The following SNTG1 variants were observed in gnomAD, a reference collection of about 807,000 sequenced individuals.
SNTG1 encodes the protein gamma-1-syntrophin.
In SNTG1, 39 loss-of-function variants were observed where a neutral mutation model predicts 74.7. That is an observed-to-expected ratio of 0.52 (90% CI 0.40 to 0.68). SNTG1 has a LOEUF of 0.68. Ranked by LOEUF, SNTG1 falls within the 30% of genes least tolerant of loss-of-function variation. The pLI is 0.00. For missense variants in SNTG1, 685 were observed against 609.5 expected, an observed-to-expected ratio of 1.12 and a Z score of -1.30; for synonymous variants, 254 against 217.1, an observed-to-expected ratio of 1.17 and a Z score of -1.49.
chr8:49,937,173 C>A lies in SNTG1; in HGVS notation c.-103+24942C>A, dbSNP rs1425465252. Reference sequence around the variant, plus strand: ...CAAAACAAACAAACAAACAAATAAACAAACCCAGTTAGGCTGATAAAAGAA... The same window carrying A: ...CAAAACAAACAAACAAACAAATAAAAAAACCCAGTTAGGCTGATAAAAGAA... On this transcript the variant is annotated intron_variant, in intron 1 of 18. Coordinates refer to ENST00000642720, the MANE Select transcript of SNTG1 (RefSeq NM_018967.5). 2.1e-5 allele frequency among the ~76,000 whole-genome samples: 3 copies of A among 142,240 alleles called. No homozygotes were observed. The East Asian group carries it at 5.8e-4, about 27-fold the overall frequency. The allele number at this position is 142,240 out of a possible 152,430, so 93.3% of individuals were successfully genotyped here.
intron 1 of SNTG1, among the ~76,000 whole-genome samples, chr8:49,954,138 T>C (rs1809962491): frequency 6.6e-6 from 1 of 152,226 alleles, no homozygotes; most frequent in Admixed American, 6.5e-5. Context: ...CTATTTTAAT[T>C]CCATCTTTAT....
chr8:50,029,786 T>C (rs573709663), intron 1 of SNTG1, among the ~76,000 whole-genome samples: 2 of 152,180 alleles, frequency 1.3e-5, no homozygotes, highest in East Asian at 3.9e-4. Flanking sequence ...TCTTGACTAT[T>C]GTCAATAGTG....
chr8:50,777,479 T>C (rs1160891687), intron 18 of SNTG1, among the ~76,000 whole-genome samples: 2 of 150,794 alleles, frequency 1.3e-5, no homozygotes, highest in Admixed American at 1.3e-4. Flanking sequence ...ATGTCTTTTA[T>C]TTCTTCCTAG....
intron 12 of SNTG1, among the ~76,000 whole-genome samples, chr8:50,561,884 A>G (rs1022742450): frequency 1.3e-5 from 2 of 152,158 alleles, no homozygotes; most frequent in Non-Finnish European, 2.9e-5. Context: ...TGAGCTGGAC[A>G]TTAGAACTCA....
At chr8:50,135,840 T>C (rs1160646584) in intron 1 of SNTG1, among the ~76,000 whole-genome samples, 1 of 152,164 alleles carries the variant, frequency 6.6e-6, no homozygotes, top group Admixed American at 6.6e-5. Context: ...GTGCCGATTG[T>C]TTTGTCTCCC....
In SNTG1 at chr8:50,071,338, TAA is replaced by T. The variant is rs376704134; in HGVS notation, c.-102-101222_-102-101221del. Among the ~76,000 whole-genome samples, 58 of 152,250 alleles carry T rather than the reference TAA, an allele frequency of 3.8e-4. No homozygotes were observed. In the East Asian group the frequency reaches 9.7e-3, roughly 25 times the overall value. ...TTCAACCTCCTAAAGTAGCTAAGACTAAGTCTTTTTAATTTTGTTCAGAGATG... is the reference window on the plus strand; with the variant it reads ...TTCAACCTCCTAAAGTAGCTAAGACTGTCTTTTTAATTTTGTTCAGAGATG... On this transcript the variant is annotated intron_variant, in intron 1 of 18. Coordinates refer to ENST00000642720, the MANE Select transcript of SNTG1 (RefSeq NM_018967.5).
At chr8:50,109,404 A>G (rs2080497109) in intron 1 of SNTG1, among the ~76,000 whole-genome samples, 1 of 152,162 alleles carries the variant, frequency 6.6e-6, no homozygotes, top group Non-Finnish European at 1.5e-5. Context: ...TACCAAAAAC[A>G]TGCCAGGAGT....
At chr8:50,656,849 A>G in intron 13 of SNTG1, 60 bp from the exon 14 acceptor site, 1 of 1,042,442 alleles carries the variant, frequency 9.6e-7, no homozygotes, top group Non-Finnish European at 1.5e-6. Context: ...AAATATTTTT[A>G]GATATAAGAT....
chr8:50,051,267 C>CACAA (rs752480453), intron 1 of SNTG1, among the ~76,000 whole-genome samples: 6 of 151,542 alleles, frequency 4.0e-5, no homozygotes, highest in South Asian at 2.1e-4. Context: ...CACACACACA[C>CACAA]ACAAACAAAC....
At chr8:50,279,654 C>G (rs1336170536) in intron 2 of SNTG1, among the ~76,000 whole-genome samples, 1 of 152,036 alleles carries the variant, frequency 6.6e-6, no homozygotes, top group Non-Finnish European at 1.5e-5. Context: ...AAGAGAAAAT[C>G]AAACAAGTTT....
intron 1 of SNTG1, among the ~76,000 whole-genome samples, chr8:49,954,021 GA>G (rs1212757393): frequency 6.6e-6 from 1 of 152,110 alleles, no homozygotes; most frequent in Non-Finnish European, 1.5e-5. Flanking sequence ...AAAAGTTAAG[GA>G]TTGAGATCAT....
At chr8:50,723,301 T>A (rs2095492185) in intron 17 of SNTG1, among the ~76,000 whole-genome samples, 1 of 152,236 alleles carries the variant, frequency 6.6e-6, no homozygotes, top group Non-Finnish European at 1.5e-5. Context: ...TTTATTTCTT[T>A]TGCTCTCTCC....
chr8:50,301,617 A>C (rs2089650162), intron 2 of SNTG1, among the ~76,000 whole-genome samples: 1 of 151,934 alleles, frequency 6.6e-6, no homozygotes, highest in Non-Finnish European at 1.5e-5. Flanking sequence ...TTTTAAGCTT[A>C]TCTTATTTTT....
intron 13 of SNTG1, among the ~76,000 whole-genome samples, chr8:50,595,405 AG>A (rs1483553111): frequency 6.6e-6 from 1 of 152,160 alleles, no homozygotes; most frequent in African/African-American, 2.4e-5. Context: ...CAGGAAAAAG[AG>A]GTGTAAATGT....
At chr8:49,965,831 T>C (rs980727421) in intron 1 of SNTG1, among the ~76,000 whole-genome samples, 1 of 152,212 alleles carries the variant, frequency 6.6e-6, no homozygotes, top group Non-Finnish European at 1.5e-5. Flanking sequence ...ATGTCATTTC[T>C]ACTAATTCAG....
chr8:50,096,361 A>T (rs553707392), intron 1 of SNTG1, among the ~76,000 whole-genome samples: 2 of 152,202 alleles, frequency 1.3e-5, no homozygotes, highest in African/African-American at 2.4e-5. Flanking sequence ...AACTCTGGAA[A>T]TCTTGGAGCT....
chr8:50,017,955 T>C (rs1156574199), intron 1 of SNTG1, among the ~76,000 whole-genome samples: 2 of 151,926 alleles, frequency 1.3e-5, no homozygotes, highest in Non-Finnish European at 1.5e-5. Flanking sequence ...CACAGCAGAA[T>C]GTAGCATTTT....
At chr8:50,447,190 C>A (rs985052734) in intron 5 of SNTG1, among the ~76,000 whole-genome samples, 1 of 152,050 alleles carries the variant, frequency 6.6e-6, no homozygotes, top group South Asian at 2.1e-4. Flanking sequence ...ATCTCAAAAG[C>A]CTTTTCTCTG....
chr8:50,279,421 G>A (rs1049762614), intron 2 of SNTG1, among the ~76,000 whole-genome samples: 1 of 152,156 alleles, frequency 6.6e-6, no homozygotes, highest in Admixed American at 6.5e-5. Context: ...CTTTACCAGT[G>A]TGTTTGTATA....
Sources: allele counts gnomAD v4.1 joint callset (sites outside exome capture counted in the v4.1 genomes callset), GRCh38; gene constraint gnomAD v4.1.1; transcripts MANE v1.5; gene names NCBI Gene and HGNC (gene_info 2026-07-23, HGNC 2026-07-21).